CACNA1I: variants seen among roughly 807,000 people sequenced by gnomAD.
The protein encoded by CACNA1I is calcium voltage-gated channel subunit alpha1 I.
In CACNA1I, 74 loss-of-function variants were observed where a neutral mutation model predicts 201.6. That is an observed-to-expected ratio of 0.37 (90% CI 0.30 to 0.45). The LOEUF (loss-of-function observed/expected upper bound fraction) is 0.45, where lower values mean the gene tolerates loss of function less well. Among genes scored for constraint, CACNA1I ranks in the 20% least tolerant of loss-of-function variants. The pLI is 1.00. For synonymous variants in CACNA1I, 1,431 were observed against 1,345.2 expected (o/e 1.06, Z -1.40); for missense variants, 2,346 against 3,138.1 (o/e 0.75, Z 6.03).
chr22:39,653,484 C>T (rs944684610), intron 10 of CACNA1I, among the ~76,000 whole-genome samples: 32 of 152,240 alleles, frequency 2.1e-4, no homozygotes, highest in African/African-American at 6.0e-4. Context: ...TCTGAGGTGG[C>T]GCTCGCAGAG....
rs543905931 is a variant in CACNA1I, at chr22:39,622,748, G to T, written c.580+3341G>T. ...AGAGGGACTGCTGGGCCCAGTCCAG[G>T]TCCTCCTTGAGTGTCTGGTGTGGGC... On this transcript the variant is annotated intron_variant, in intron 4 of 36. Transcript: ENST00000402142. 9.3e-5 allele frequency among the ~76,000 whole-genome samples: 13 copies of T among 139,452 alleles called. No individual in the cohort carries two copies. In the South Asian group the frequency reaches 3.3e-3, roughly 35 times the overall value. 91.5% of individuals were successfully genotyped at this position (139,452 alleles called of 152,430 possible).
chr22:39,668,177 C>T, intron 23 of CACNA1I, 115 bp from the exon 24 acceptor site: 2 of 664,882 alleles, frequency 3.0e-6, no homozygotes, highest in Middle Eastern at 2.9e-4. Context: ...ACAGAGAAGA[C>T]CTCTTTGTCC....
At chr22:39,572,295 C>T (rs1932210740) in intron 1 of CACNA1I, among the ~76,000 whole-genome samples, 1 of 151,870 alleles carries the variant, frequency 6.6e-6, no homozygotes, top group Admixed American at 6.5e-5. Context: ...GAGGGTCCCA[C>T]CAAAAAATGC....
intron 3 of CACNA1I, among the ~76,000 whole-genome samples, chr22:39,601,825 CCTT>C (rs1933039691): frequency 1.4e-5 from 1 of 73,666 alleles, no homozygotes. Context: ...CGCTTTCTCT[CCTT>C]CCTTCCTTCC....
chr22:39,662,968 C>T (rs1370014701), intron 18 of CACNA1I, 92 bp downstream of exon 18: 1 of 879,636 alleles, frequency 1.1e-6, no homozygotes, highest in Non-Finnish European at 1.8e-6. Flanking sequence ...ATTGGTGGCG[C>T]TCTCCCAGAC....
intron 4 of CACNA1I, among the ~76,000 whole-genome samples, chr22:39,630,551 C>T (rs1446251642): frequency 6.6e-6 from 1 of 152,226 alleles, no homozygotes; most frequent in South Asian, 2.1e-4. Flanking sequence ...TGCTTTGTGC[C>T]CGGTCCTGGT....
intron 4 of CACNA1I, among the ~76,000 whole-genome samples, chr22:39,627,873 G>A (rs1223369752): frequency 6.6e-6 from 1 of 151,400 alleles, no homozygotes; most frequent in African/African-American, 2.4e-5. Flanking sequence ...AGGGAAGGAG[G>A]GAGAGAAATG....
chr22:39,610,999 C>G (rs1933371674), intron 3 of CACNA1I, among the ~76,000 whole-genome samples: 1 of 152,086 alleles, frequency 6.6e-6, no homozygotes, highest in Admixed American at 6.5e-5. Context: ...AAGGCTCACC[C>G]CTGGCAGGAT....
chr22:39,674,525 C>T (rs533978963), intron 29 of CACNA1I, among the ~76,000 whole-genome samples: 2 of 152,314 alleles, frequency 1.3e-5, no homozygotes, highest in South Asian at 4.1e-4. Context: ...CAGCATGAGA[C>T]CCTGACCCAG....
Position 39,603,173 on chromosome 22 carries a change from T to C in CACNA1I, c.482+2520T>C, listed in dbSNP as rs1443572255. On this transcript the variant is annotated intron_variant, in intron 3 of 36. Coordinates refer to ENST00000402142, the MANE Select transcript of CACNA1I (RefSeq NM_021096.4). ...TGTCAAAAAAAAAAAAAAAGATTCA[T>C]GCTTTCCATCATCTCAGAAGAAAGT... Among the ~76,000 whole-genome samples the C allele has an allele frequency of 2.6e-5, 4 of 151,176 alleles. No individual in the cohort carries two copies. The East Asian group carries it at 5.8e-4, about 22-fold the overall frequency.
intron 4 of CACNA1I, among the ~76,000 whole-genome samples, chr22:39,623,545 T>C (rs990796449): frequency 2.0e-5 from 3 of 149,804 alleles, no homozygotes; most frequent in African/African-American, 7.4e-5. Flanking sequence ...TGTGTGCTTG[T>C]GTGTGTGTGC....
chr22:39,624,312 T>G (rs1185002972), intron 4 of CACNA1I, among the ~76,000 whole-genome samples: 1 of 152,116 alleles, frequency 6.6e-6, no homozygotes, highest in East Asian at 1.9e-4. Flanking sequence ...TGGAGGACAC[T>G]CCCGGTCCCC....
At chr22:39,626,668 C>T (rs1447219874) in intron 4 of CACNA1I, among the ~76,000 whole-genome samples, 1 of 152,078 alleles carries the variant, frequency 6.6e-6, no homozygotes, top group East Asian at 1.9e-4. Context: ...GTGATCTCGG[C>T]TCACTGCAAC....
intron 1 of CACNA1I, among the ~76,000 whole-genome samples, chr22:39,578,413 A>G (rs1296135896): frequency 2.6e-5 from 4 of 151,518 alleles, no homozygotes; most frequent in Admixed American, 2.6e-4. Context: ...GGCTACTGGG[A>G]GTGTCTGGGG....
rs1473850762 is a variant in CACNA1I at position 39,629,051 on chromosome 22, C to T, written c.581-5514C>T. On this transcript the variant is annotated intron_variant, in intron 4 of 36. Coordinates refer to ENST00000402142, the MANE Select transcript of CACNA1I (RefSeq NM_021096.4). The surrounding 1 kb of genome is among the most constrained non-coding windows in gnomAD (Gnocchi z 4.8). ...GTCCCCACTGCCACTGAGGGGCTGC[C>T]TCTGCCTGGCTGCTGCCCAGGTTCT... 6.6e-6 allele frequency among the ~76,000 whole-genome samples: 1 copy of T among 152,112 alleles called. No homozygotes were observed. The highest frequency in any genetic ancestry group is 2.4e-5 in the African/African-American group (1 of 41,410).
At chr22:39,595,600 G>A (rs1932872736) in intron 1 of CACNA1I, among the ~76,000 whole-genome samples, 2 of 146,750 alleles carry the variant, frequency 1.4e-5, no homozygotes, top group Non-Finnish European at 3.0e-5. Context: ...ACTCCAGCCT[G>A]GGCAATAAAA....
chr22:39,673,512 G>A (rs544832698), intron 28 of CACNA1I, among the ~76,000 whole-genome samples: 8 of 152,276 alleles, frequency 5.3e-5, no homozygotes, highest in South Asian at 2.1e-4. Flanking sequence ...AAGGTAGTTC[G>A]TACACTTCTT....
chr22:39,670,944 A>G lies in CACNA1I; in HGVS notation c.4529A>G (p.Asn1510Ser), dbSNP rs759193936. 13 of 1,613,636 alleles carry G rather than the reference A, an allele frequency of 8.1e-6. 1 individual carries two copies. In the South Asian group the frequency reaches 8.8e-5, roughly 11 times the overall value. The change falls in exon 26 of 37, where the codon AAT (asparagine) becomes AGT (serine). Residue 1510 changes from asparagine to serine, a missense_variant. Asn to Ser is a conservative substitution (Grantham distance 46, BLOSUM62 1). Around this residue, in one of 13 missense-constraint regions of CACNA1I, gnomAD observed 228 missense variants for 395.7 expected, o/e 0.58. Coordinates refer to ENST00000402142, the MANE Select transcript of CACNA1I (RefSeq NM_021096.4). Reference protein sequence around the residue: ...NVVTMSLEHYNQPTSLETALK... With the variant: ...NVVTMSLEHYSQPTSLETALK... ...GTCACCATGTCCCTGGAGCACTACA[A>G]TCAGCCCACGGTGAGCCCTGGTCTG... is the stretch of plus-strand genomic sequence containing the variant.
chr22:39,622,188 G>A (rs968882306), intron 4 of CACNA1I, among the ~76,000 whole-genome samples: 1 of 152,164 alleles, frequency 6.6e-6, no homozygotes, highest in South Asian at 2.1e-4. Context: ...CAGAAGGCGC[G>A]CCAAAGACAC....
Sources: gnomAD v4.1 joint callset for allele counts (sites outside exome capture counted in the v4.1 genomes callset) on GRCh38, gnomAD v4.1.1 for gene constraint, gnomAD v4.1.1 regional missense constraint, Gnocchi (gnomAD v3.1) non-coding constraint, MANE v1.5 for transcripts, NCBI Gene and HGNC (gene_info 2026-07-23, HGNC 2026-07-21) for gene names.